Variants in CPED1 observed in about 807,000 individuals in gnomAD.
The protein encoded by CPED1 is cadherin like and PC-esterase domain containing 1.
CPED1 carries 114 observed loss-of-function variants against 128.2 expected under a neutral mutation model. The ratio of observed to expected loss-of-function variants is 0.89; its 90% CI spans 0.76 to 1.04. The LOEUF (loss-of-function observed/expected upper bound fraction) is 1.04. CPED1 is among the 50% of genes least tolerant of loss of function. The pLI, the probability that CPED1 is intolerant of heterozygous loss-of-function variation, is 0.00. For synonymous variants in CPED1, 462 were observed against 426.7 expected (o/e 1.08, Z -1.02); for missense variants, 1,211 against 1,207.1 (o/e 1.00, Z -0.05).
chr7:121,047,075 A>T, intron 4 of CPED1, 82 bp downstream of exon 4: 1 of 836,998 alleles, frequency 1.2e-6, no homozygotes, highest in Non-Finnish European at 1.9e-6. Flanking sequence ...AATGTTTAAG[A>T]GTCTTAAAGA....
chr7:121,029,662 T>C (rs537273961), intron 3 of CPED1, among the ~76,000 whole-genome samples: 20 of 152,198 alleles, frequency 1.3e-4, no homozygotes, highest in Non-Finnish European at 2.1e-4. Flanking sequence ...ATATTAAGGT[T>C]AATCAGCAGC....
At position 121,236,695 on chromosome 7, in the gene CPED1, AT is replaced by A. The variant is rs779346635; in HGVS notation, c.2056-18del. 7.1e-7 allele frequency: 1 copy of A among 1,415,044 alleles called. No individual in the cohort carries two copies. Among genetic ancestry groups the A allele is most frequent in the Non-Finnish European group, 9.7e-7 (1 of 1,028,166 alleles). The allele number at this position is 1,415,044 out of a possible 1,614,324, so 87.7% of individuals were successfully genotyped here. A position where few individuals can be genotyped will look rare whatever the true frequency, so the allele number is the denominator to read the frequency against. ...CAAGTTAATTAATACAACAACTAAT[AT>A]CTATTATTTTAATGCAGGATTGTGG... On this transcript the variant is annotated intron_variant, in intron 16 of 22. Coordinates refer to ENST00000310396, the MANE Select transcript of CPED1 (RefSeq NM_024913.5).
chr7:121,132,826 G>T (rs576494239), intron 12 of CPED1, among the ~76,000 whole-genome samples: 1 of 152,130 alleles, frequency 6.6e-6, no homozygotes, highest in African/African-American at 2.4e-5. Flanking sequence ...TTTCAGGGTT[G>T]TGTCTTTTGT....
At chr7:121,235,608 T>A (rs1048459867) in intron 16 of CPED1, among the ~76,000 whole-genome samples, 4 of 152,154 alleles carry the variant, frequency 2.6e-5, no homozygotes, top group African/African-American at 4.8e-5. Flanking sequence ...AGGGACACAA[T>A]AAAGTCTAAC....
At chr7:121,050,821 C>T (rs912003503) in intron 4 of CPED1, 24 of 461,584 alleles carry the variant, frequency 5.2e-5, no homozygotes, top group African/African-American at 1.8e-4. Context: ...GCGGGAGGAG[C>T]GGCAGCGGCC....
intron 3 of CPED1, among the ~76,000 whole-genome samples, chr7:121,044,102 C>T (rs540728443): frequency 1.3e-5 from 2 of 152,250 alleles, no homozygotes; most frequent in South Asian, 2.1e-4. Flanking sequence ...TTGATCTCTG[C>T]CCAGTTTCTA....
At chr7:121,254,399 C>T (rs1798755209) in intron 18 of CPED1, among the ~76,000 whole-genome samples, 3 of 152,092 alleles carry the variant, frequency 2.0e-5, no homozygotes, top group African/African-American at 7.2e-5. Flanking sequence ...CTCTGGAATA[C>T]AACTAAAGTT....
chr7:121,249,658 A>C (rs1393041752), intron 18 of CPED1, among the ~76,000 whole-genome samples: 5 of 152,202 alleles, frequency 3.3e-5, no homozygotes, highest in African/African-American at 1.2e-4. Flanking sequence ...GACCACCAGC[A>C]TTACAAGAGG....
At chr7:121,276,562 G>A (rs1792334302) in intron 22 of CPED1, among the ~76,000 whole-genome samples, 1 of 152,072 alleles carries the variant, frequency 6.6e-6, no homozygotes, top group Admixed American at 6.6e-5. Flanking sequence ...CAATACCTTT[G>A]ATAGCACATC....
At chr7:121,063,379 CTG>C (rs1563011265) in intron 4 of CPED1, among the ~76,000 whole-genome samples, 31 of 3,352 alleles carry the variant, frequency 9.2e-3, no homozygotes, top group African/African-American at 0.019. Flanking sequence ...AATGAAGAAA[CTG>C]AAAAAAAAAA....
At chr7:121,008,917 G>A (rs561557558) in intron 2 of CPED1, among the ~76,000 whole-genome samples, 5 of 152,212 alleles carry the variant, frequency 3.3e-5, no homozygotes, top group African/African-American at 7.2e-5. Flanking sequence ...AGGCAGAATC[G>A]GTTTTGCCAT....
At chr7:121,266,970 C>T (rs1411800125) in intron 20 of CPED1, among the ~76,000 whole-genome samples, 162 bp downstream of exon 20, 1 of 151,848 alleles carries the variant, frequency 6.6e-6, no homozygotes, top group African/African-American at 2.4e-5. Flanking sequence ...GTCTTGTATC[C>T]AGTCACAACA....
intron 3 of CPED1, among the ~76,000 whole-genome samples, chr7:121,036,711 C>T (rs1013304400): frequency 6.6e-6 from 1 of 151,992 alleles, no homozygotes; most frequent in African/African-American, 2.4e-5. Flanking sequence ...TAAGGAATCT[C>T]CACACTGTTT....
chr7:121,201,236 C>A (rs1309206989), intron 16 of CPED1, among the ~76,000 whole-genome samples: 1 of 151,968 alleles, frequency 6.6e-6, no homozygotes, highest in African/African-American at 2.4e-5. Flanking sequence ...TTATCAAGAC[C>A]AGCCTGGTCA....
chr7:121,176,182 C>T (rs1443471289), intron 16 of CPED1, among the ~76,000 whole-genome samples: 3 of 139,710 alleles, frequency 2.1e-5, no homozygotes, highest in Non-Finnish European at 4.6e-5. Flanking sequence ...ATCCCTCCAT[C>T]CTCCCCGCTG....
At chr7:121,086,309 G>A (rs1014541987) in intron 5 of CPED1, among the ~76,000 whole-genome samples, 2 of 152,184 alleles carry the variant, frequency 1.3e-5, no homozygotes, top group Non-Finnish European at 1.5e-5. Context: ...CTACACATTT[G>A]TTGTGCCAAG....
intron 5 of CPED1, among the ~76,000 whole-genome samples, chr7:121,087,089 C>G (rs1262077323): frequency 6.6e-6 from 1 of 151,946 alleles, no homozygotes; most frequent in Non-Finnish European, 1.5e-5. Flanking sequence ...TTAAAACACT[C>G]AATCCCCTCT....
intron 5 of CPED1, among the ~76,000 whole-genome samples, chr7:121,086,003 G>T (rs182068837): frequency 6.6e-5 from 10 of 152,152 alleles, no homozygotes; most frequent in Non-Finnish European, 1.5e-4. Flanking sequence ...TGCAGAAGCA[G>T]GAAGGTTTAC....
At chr7:121,114,085 C>T (rs1795177364) in intron 7 of CPED1, among the ~76,000 whole-genome samples, 2 of 152,176 alleles carry the variant, frequency 1.3e-5, no homozygotes, top group Admixed American at 1.3e-4. Context: ...CTGCCTCAGC[C>T]TCCCAAAGTG....
Sources: gnomAD v4.1 joint callset for allele counts (sites outside exome capture counted in the v4.1 genomes callset) on GRCh38, gnomAD v4.1.1 for gene constraint, MANE v1.5 for transcripts, NCBI Gene and HGNC (gene_info 2026-07-23, HGNC 2026-07-21) for gene names.